Variants in PAK4 observed in about 807,000 individuals in gnomAD.
PAK4 encodes p21 (RAC1) activated kinase 4, also known as serine/threonine-protein kinase PAK 4.
In PAK4, 49 loss-of-function variants were observed where a neutral mutation model predicts 53.5. That is an observed-to-expected ratio of 0.92 (90% CI 0.73 to 1.16). The LOEUF (loss-of-function observed/expected upper bound fraction) is 1.16, where lower values mean the gene tolerates loss of function less well. Ranked by LOEUF, PAK4 falls within the 50% of genes most tolerant of loss-of-function variation. The pLI is 0.00. For missense variants in PAK4, 824 were observed against 850.7 expected (o/e 0.97, Z 0.39); for synonymous variants, 376 against 375.6 (o/e 1.00, Z -0.01).
chr19:39,150,968 G>T (rs191622716), intron 1 of PAK4, among the ~76,000 whole-genome samples: 2 of 152,292 alleles, frequency 1.3e-5, no homozygotes, highest in Admixed American at 6.5e-5. Context: ...CGCACAGGCG[G>T]CACGTGACAG....
chr19:39,177,739 A>G (rs988114626), exon 8 of PAK4: 4 of 1,613,412 alleles, frequency 2.5e-6, no homozygotes, highest in Non-Finnish European at 3.4e-6. Flanking sequence ...CCCTACTTCA[A>G]CGAGCCACCC....
In PAK4 at chr19:39,177,789, C is replaced by T. The variant is rs756382524; in HGVS notation, c.1600C>T (p.Arg534Ter). The change falls in exon 8 of 9, where the codon CGA becomes TGA. Residue 534 changes from arginine to a stop codon, truncating the protein, a stop_gained. Coordinates refer to ENST00000358301, the Ensembl canonical transcript of PAK4. LOFTEE classifies it high-confidence loss of function. ...GATGATTCGGGACAACCTGCCACCC[C>T]GACTGAAGAACCTGCACAAGGTAGG... The T allele has an allele frequency of 3.1e-6, 5 of 1,613,172 alleles. No homozygotes were observed. Among genetic ancestry groups the T allele is most frequent in the Non-Finnish European group, 4.2e-6 (5 of 1,179,420 alleles).
Position 39,173,641 on chromosome 19 carries a change from C to G in PAK4, c.729C>G (p.Ser243=), listed in dbSNP as rs1025720215. 15 of 1,567,816 alleles carry G rather than the reference C, an allele frequency of 9.6e-6. No homozygotes were observed. Among genetic ancestry groups the G allele is most frequent in the Non-Finnish European group, 1.3e-5 (15 of 1,156,422 alleles). The change falls in exon 4 of 9, where the codon TCC becomes TCG. Residue 243 remains serine, a synonymous_variant. Coordinates refer to ENST00000358301, the Ensembl canonical transcript of PAK4. This position sits in a 1 kb window ranked among gnomAD's most constrained non-coding sequence, Gnocchi z 6.9. ...GGGGCCTGGCCATCCCCCAGTCCTC[C>G]TCCTCCTCCTCCCGGCCTCCCACCC... is the stretch of plus-strand genomic sequence containing the variant.
intron 1 of PAK4, among the ~76,000 whole-genome samples, chr19:39,163,808 C>T (rs554763070): frequency 9.9e-5 from 15 of 152,184 alleles, no homozygotes; most frequent in Admixed American, 3.3e-4. Context: ...AAAGATTTCC[C>T]GGGTGCTGCT....
intron 1 of PAK4, among the ~76,000 whole-genome samples, chr19:39,164,475 G>A (rs943749164): frequency 1.3e-5 from 2 of 152,056 alleles, no homozygotes; most frequent in African/African-American, 4.8e-5. Flanking sequence ...TGGGGCACTC[G>A]CCCATGCAAA....
chr19:39,150,662 G>A (rs969578133), intron 1 of PAK4, among the ~76,000 whole-genome samples: 2 of 152,032 alleles, frequency 1.3e-5, no homozygotes, highest in African/African-American at 4.8e-5. Context: ...GGCCGAGGTG[G>A]GCAGATGGCT....
At chr19:39,174,846 G>C (rs899553417) in intron 4 of PAK4, 85 bp from the exon 6 acceptor site, 36 of 1,527,890 alleles carry the variant, frequency 2.4e-5, no homozygotes, top group Admixed American at 1.0e-4. Context: ...TGGAACTGCA[G>C]GGGGAGCCAG....
chr19:39,165,194 T>TAATAATAATAATAATAATA (rs1568518730), intron 1 of PAK4, among the ~76,000 whole-genome samples: 1 of 146,712 alleles, frequency 6.8e-6, no homozygotes, highest in Non-Finnish European at 1.5e-5. Flanking sequence ...ATGATGATGA[T>TAATAATAATAATAATAATA]GATAATAATA....
intron 1 of PAK4, among the ~76,000 whole-genome samples, chr19:39,145,895 G>A (rs1217233635): frequency 6.6e-6 from 1 of 150,656 alleles, no homozygotes; most frequent in Non-Finnish European, 1.5e-5. Context: ...TCTATATCTA[G>A]CTGACCTGGG....
At chr19:39,165,378 G>A (rs544285315) in intron 1 of PAK4, among the ~76,000 whole-genome samples, 104 of 148,472 alleles carry the variant, frequency 7.0e-4, no homozygotes, top group African/African-American at 2.5e-3. Context: ...AGCCGGGCAT[G>A]GTGGTGGGCA....
At chr19:39,138,376 T>A (rs2073855448) in intron 1 of PAK4, among the ~76,000 whole-genome samples, 1 of 152,238 alleles carries the variant, frequency 6.6e-6, no homozygotes, top group African/African-American at 2.4e-5. Flanking sequence ...TGACTTTTTG[T>A]AATTCCCTTT....
chr19:39,176,755 C>T (rs376693412), intron 7 of PAK4, 40 bp downstream of exon 8: 244 of 1,591,482 alleles, frequency 1.5e-4, no homozygotes, highest in Non-Finnish European at 1.8e-4. Context: ...CCGTGGACAG[C>T]GTACGCTGCC....
intron 1 of PAK4, among the ~76,000 whole-genome samples, chr19:39,140,490 G>A (rs1426828033): frequency 6.6e-6 from 1 of 152,170 alleles, no homozygotes; most frequent in Non-Finnish European, 1.5e-5. Flanking sequence ...CACCTCTACG[G>A]TCCCGGGAGT....
intron 1 of PAK4, among the ~76,000 whole-genome samples, chr19:39,126,529 C>G (rs750221547): frequency 4.6e-5 from 7 of 150,858 alleles, no homozygotes; most frequent in Non-Finnish European, 8.8e-5. Flanking sequence ...ATGGCAAACA[C>G]TCATGAAACA....
At chr19:39,158,836 G>A (rs1037859510) in intron 1 of PAK4, among the ~76,000 whole-genome samples, 3 of 152,158 alleles carry the variant, frequency 2.0e-5, no homozygotes, top group Admixed American at 6.5e-5. Context: ...AGCCCATCAG[G>A]CTCCTCCCTC....
Position 39,173,789 on chromosome 19 carries a change from C to T in PAK4, c.877C>T (p.Gln293Ter). 6.2e-7 allele frequency: 1 copy of T among 1,606,666 alleles called. No individual in the cohort carries two copies. The highest frequency in any genetic ancestry group is 8.5e-7 in the Non-Finnish European group (1 of 1,177,550). Residue 293 changes from glutamine (Q) to a stop codon, truncating the protein, a stop_gained, in exon 4 of 9, where the codon CAG becomes TAG. Transcript: ENST00000358301. LOFTEE classifies it high-confidence loss of function. The surrounding 1 kb of genome is among the most constrained non-coding windows in gnomAD (Gnocchi z 6.9). ...TGGGCCCCCTGGCCCCCGCTCACCA[C>T]AGCGGGAGCCACAGCGAGTATCCCA...
At chr19:39,158,146 C>A (rs375871324) in intron 1 of PAK4, among the ~76,000 whole-genome samples, 2 of 143,724 alleles carry the variant, frequency 1.4e-5, no homozygotes, top group Non-Finnish European at 3.0e-5. Context: ...TGTGAGCGTG[C>A]GTGTGTGCAC....
Position 39,173,302 on chromosome 19 carries a change from G to A in PAK4, c.589G>A (p.Ala197Thr), listed in dbSNP as rs1339345506. The change falls in exon 3 of 9, where the codon GCG becomes ACG. Residue 197 changes from alanine (A) to threonine (T), a missense_variant. By Grantham distance (58) the Ala-to-Thr change is moderately conservative (BLOSUM62 0). Around this residue, in one of 2 missense-constraint regions of PAK4, gnomAD observed 478 missense variants for 435.8 expected, o/e 1.10. Coordinates refer to ENST00000358301, the Ensembl canonical transcript of PAK4. The surrounding 1 kb of genome is among the most constrained non-coding windows in gnomAD (Gnocchi z 6.9). ...CCAGCCTGCTGGTCTGGCCAGTGGG[G>A]CGAAACTGGCAGCTGGCCGGCCCTT... 6.2e-7 allele frequency: 1 copy of A among 1,600,950 alleles called. No individual in the cohort carries two copies. The highest frequency in any genetic ancestry group is 8.5e-7 in the Non-Finnish European group (1 of 1,173,474).
chr19:39,154,776 C>T (rs568681911), intron 1 of PAK4, among the ~76,000 whole-genome samples: 40 of 152,266 alleles, frequency 2.6e-4, no homozygotes, highest in African/African-American at 5.8e-4. Flanking sequence ...GGCTCCTCTG[C>T]GGGTGGTTAC....
Sources: allele counts gnomAD v4.1 joint callset (sites outside exome capture counted in the v4.1 genomes callset), GRCh38; gene constraint gnomAD v4.1.1; regional missense constraint gnomAD v4.1.1; non-coding constraint Gnocchi (gnomAD v3.1); transcripts MANE v1.5; gene names NCBI Gene and HGNC (gene_info 2026-07-23, HGNC 2026-07-21).